The following ASXL2 variants were observed in gnomAD, a reference collection of about 807,000 sequenced individuals.
ASXL2 encodes the protein putative Polycomb group protein ASXL2.
A neutral mutation model predicts 122.0 loss-of-function variants in ASXL2; 23 were observed. The observed-to-expected ratio is 0.19, with a 90% CI of 0.14 to 0.27. The LOEUF (loss-of-function observed/expected upper bound fraction) is 0.27, where lower values mean the gene tolerates loss of function less well. Ranked by LOEUF, ASXL2 falls within the 10% of genes least tolerant of loss-of-function variation. The pLI is 1.00. For synonymous variants in ASXL2, 650 were observed against 637.0 expected, an observed-to-expected ratio of 1.02 and a Z score of -0.31; for missense variants, 1,518 against 1,713.8, an observed-to-expected ratio of 0.89 and a Z score of 2.02.
At chr2:25,862,798 G>A (rs1432208799) in intron 1 of ASXL2, among the ~76,000 whole-genome samples, 2 of 151,468 alleles carry the variant, frequency 1.3e-5, no homozygotes, top group African/African-American at 2.4e-5. Flanking sequence ...TAGACATAGG[G>A]TTTCACCATG....
In ASXL2 at chr2:25,742,379, G is replaced by A. The variant is rs150720719; in HGVS notation, c.3958C>T (p.Pro1320Ser). The A allele has an allele frequency of 5.6e-6, 9 of 1,601,252 alleles. No homozygotes were observed. The highest frequency in any genetic ancestry group is 7.7e-6 in the Non-Finnish European group (9 of 1,173,538). The change falls in exon 13 of 13, where the codon CCC (proline) becomes TCC (serine). Residue 1320 changes from proline (P) to serine (S), a missense_variant. Physicochemically the swap from Pro to Ser is moderately conservative, Grantham distance 74. Transcript: ENST00000435504. The part of the protein sequence containing the change: ...PLQTPKLYGS[P>S]TQIGPSYRGM... ...CTATAGCTTGGCCCTATCTGGGTGGGGCTTCCATACAACTTCGGGGTTTGC... is the reference window on the plus strand; with the variant it reads ...CTATAGCTTGGCCCTATCTGGGTGGAGCTTCCATACAACTTCGGGGTTTGC...
rs372933018 is a variant in ASXL2, at chr2:25,833,575, A to C, written c.143+1963T>G. Among the ~76,000 whole-genome samples the C allele has an allele frequency of 1.2e-4, 18 of 152,274 alleles. No individual in the cohort carries two copies. The East Asian group carries it at 3.1e-3, about 26-fold the overall frequency. On this transcript the variant is annotated intron_variant, in intron 3 of 12. Transcript: ENST00000435504. Reference sequence around the variant, plus strand: ...GCTGGGCGTGGTAGCGTGCGCCTGTAATCTCAGTTACTCAGGTGGCTGAGG... The same window carrying C: ...GCTGGGCGTGGTAGCGTGCGCCTGTCATCTCAGTTACTCAGGTGGCTGAGG...
At position 25,796,616 on chromosome 2, in the gene ASXL2, G is replaced by A. The variant is rs1158618929; in HGVS notation, c.403+2769C>T. 2.0e-5 allele frequency among the ~76,000 whole-genome samples: 3 copies of A among 152,270 alleles called. 1 individual carries two copies. The highest frequency in any genetic ancestry group is 4.1e-4 in the South Asian group (2 of 4,834). On this transcript the variant is annotated intron_variant, in intron 5 of 12. Transcript: ENST00000435504. ...GTGAGTTATGAAGTAGACACCAAAC[G>A]GAATAAGAGCAAAGACCAGCAGACT...
intron 1 of ASXL2, among the ~76,000 whole-genome samples, chr2:25,871,783 G>C (rs2089963869): frequency 1.3e-5 from 2 of 152,138 alleles, no homozygotes; most frequent in South Asian, 4.1e-4. Flanking sequence ...CAAAATTTAT[G>C]CAGGAGAACT....
chr2:25,788,339 T>C (rs1321827400), intron 5 of ASXL2, among the ~76,000 whole-genome samples: 1 of 152,252 alleles, frequency 6.6e-6, no homozygotes, highest in Non-Finnish European at 1.5e-5. Context: ...TTTCATTGCA[T>C]AAACATCCAC....
At chr2:25,858,763 A>G (rs1197889394) in intron 1 of ASXL2, among the ~76,000 whole-genome samples, 1 of 151,822 alleles carries the variant, frequency 6.6e-6, no homozygotes, top group Non-Finnish European at 1.5e-5. Flanking sequence ...AGGGAAATTG[A>G]TAAAGGGAAG....
At chr2:25,862,238 T>C (rs765779124) in intron 1 of ASXL2, among the ~76,000 whole-genome samples, 1 of 152,184 alleles carries the variant, frequency 6.6e-6, no homozygotes, top group Non-Finnish European at 1.5e-5. Context: ...AACAAAATGT[T>C]TGATTGGATA....
In ASXL2 at chr2:25,759,565, G is replaced by A; in HGVS notation, c.856C>T (p.Leu286=). 6.2e-7 allele frequency: 1 copy of A among 1,613,960 alleles called. No homozygotes were observed. The highest frequency in any genetic ancestry group is 8.5e-7 in the Non-Finnish European group (1 of 1,179,870). The change falls in exon 9 of 13, where the codon CTG becomes TTG. Residue 286 remains leucine (L), a synonymous_variant. Coordinates refer to ENST00000435504, the MANE Select transcript of ASXL2 (RefSeq NM_018263.6). ...ACTGAAAATGTGTGCTTGTTGATCA[G>A]TGCTCGCAGATTTGTATTAACCAGA... ...SILVNTNLRA[L]INKHTFSVLP...
At chr2:25,856,752 C>T in intron 1 of ASXL2, 1 of 1,307,890 alleles carries the variant, frequency 7.6e-7, no homozygotes, top group Non-Finnish European at 1.1e-6. Flanking sequence ...CAGCAGCAGA[C>T]AGCTGCAGAC....
At chr2:25,864,208 C>CA (rs1203807533) in intron 1 of ASXL2, among the ~76,000 whole-genome samples, 1 of 151,968 alleles carries the variant, frequency 6.6e-6, no homozygotes, top group African/African-American at 2.4e-5. Flanking sequence ...GAGGCAAGGG[C>CA]AAGATCATAA....
intron 5 of ASXL2, among the ~76,000 whole-genome samples, chr2:25,794,643 G>C (rs570777123): frequency 9.2e-5 from 14 of 152,244 alleles, no homozygotes; most frequent in African/African-American, 3.1e-4. Flanking sequence ...TTGGCTGAAA[G>C]GTATACATAT....
intron 1 of ASXL2, among the ~76,000 whole-genome samples, chr2:25,864,306 C>G (rs895084363): frequency 1.3e-5 from 2 of 152,094 alleles, no homozygotes; most frequent in Non-Finnish European, 2.9e-5. Flanking sequence ...AGAAACATTA[C>G]AACGAGACTC....
At chr2:25,816,537 A>G (rs915377314) in intron 3 of ASXL2, among the ~76,000 whole-genome samples, 8 of 152,234 alleles carry the variant, frequency 5.3e-5, no homozygotes, top group Non-Finnish European at 8.8e-5. Flanking sequence ...TGAGAGCCAG[A>G]TTCCAGCAGA....
chr2:25,782,973 C>T (rs926635344), intron 5 of ASXL2, among the ~76,000 whole-genome samples: 11 of 151,532 alleles, frequency 7.3e-5, no homozygotes, highest in Admixed American at 2.6e-4. Context: ...ACTAAAAATA[C>T]AAAAAATTAG....
rs139200567 is a variant in ASXL2 at position 25,849,064 on chromosome 2, C to CATATATATAT, written c.58-3511_58-3502dup. ...CCGTCTCAAAAAAAAAAAAAATTTA[C>CATATATATAT]ATATATATATATGGAATATTTATTT... On this transcript the variant is annotated intron_variant, in intron 1 of 12. Transcript: ENST00000435504. 2.2e-3 allele frequency among the ~76,000 whole-genome samples: 194 copies of CATATATATAT among 86,498 alleles called. 34 individuals carry two copies. In the East Asian group the frequency reaches 0.097, roughly 43 times the overall value. 56.7% of individuals were successfully genotyped at this position (86,498 alleles called of 152,430 possible).
At chr2:25,825,594 T>A (rs2089366240) in intron 3 of ASXL2, among the ~76,000 whole-genome samples, 1 of 152,206 alleles carries the variant, frequency 6.6e-6, no homozygotes, top group African/African-American at 2.4e-5. Context: ...TCAAGATTCA[T>A]CCATGCTGCA....
Position 25,834,575 on chromosome 2 carries a change from T to G in ASXL2, c.143+963A>C, listed in dbSNP as rs116415011. On this transcript the variant is annotated intron_variant, in intron 3 of 12. Coordinates refer to ENST00000435504, the MANE Select transcript of ASXL2 (RefSeq NM_018263.6). ...CTAGAGTTAAAAAGACTAACTACGCTCTAATTATAACCCAAGCATGCCATG... is the reference window on the plus strand; with the variant it reads ...CTAGAGTTAAAAAGACTAACTACGCGCTAATTATAACCCAAGCATGCCATG... Among the ~76,000 whole-genome samples, 604 of 152,120 alleles carry G rather than the reference T, an allele frequency of 4.0e-3. 5 individuals are homozygous for G. Among genetic ancestry groups the G allele is most frequent in the African/African-American group, 0.013 (559 of 41,488 alleles).
intron 1 of ASXL2, among the ~76,000 whole-genome samples, chr2:25,875,568 C>T (rs1304446015): frequency 6.6e-6 from 1 of 152,002 alleles, no homozygotes; most frequent in Non-Finnish European, 1.5e-5. Flanking sequence ...GTAGCTCTCC[C>T]ACATAAACAC....
chr2:25,760,309 C>G (rs1268997447), intron 8 of ASXL2, among the ~76,000 whole-genome samples: 2 of 151,654 alleles, frequency 1.3e-5, no homozygotes, highest in Non-Finnish European at 2.9e-5. Context: ...ACAAATACCA[C>G]CAAGAGAAAA....
Sources: gnomAD v4.1 joint callset for allele counts (sites outside exome capture counted in the v4.1 genomes callset) on GRCh38, gnomAD v4.1.1 for gene constraint, MANE v1.5 for transcripts, NCBI Gene and HGNC (gene_info 2026-07-23, HGNC 2026-07-21) for gene names.